The following DNAAF5 variants were observed in gnomAD, a reference collection of about 807,000 sequenced individuals.
DNAAF5 encodes dynein axonemal assembly factor 5, also known as HEAT repeat containing 2.
In DNAAF5, 64 loss-of-function variants were observed where a neutral mutation model predicts 75.8. The observed-to-expected ratio is 0.84, with a 90% confidence interval of 0.69 to 1.04. The LOEUF (loss-of-function observed/expected upper bound fraction) is 1.04. Among genes scored for constraint, DNAAF5 ranks in the 50% least tolerant of loss-of-function variants. The pLI is 0.00. For missense variants in DNAAF5, 1,269 were observed against 1,178.5 expected, an observed-to-expected ratio of 1.08 and a Z score of -1.12; for synonymous variants, 657 against 557.2, an observed-to-expected ratio of 1.18 and a Z score of -2.52.
intron 2 of DNAAF5, among the ~76,000 whole-genome samples, chr7:733,741 G>C (rs1455859477): frequency 6.6e-6 from 1 of 152,154 alleles, no homozygotes; most frequent in African/African-American, 2.4e-5. Flanking sequence ...TGATCCGACT[G>C]CCTCAGCCTC....
At chr7:731,796 A>G (rs1319077292) in intron 2 of DNAAF5, among the ~76,000 whole-genome samples, 3 of 151,670 alleles carry the variant, frequency 2.0e-5, no homozygotes, top group Non-Finnish European at 4.4e-5. Context: ...TTTGCGTCCT[A>G]TTAGAGACCC....
chr7:737,340 C>T (rs950795999), intron 2 of DNAAF5, among the ~76,000 whole-genome samples: 2 of 152,170 alleles, frequency 1.3e-5, no homozygotes, highest in Non-Finnish European at 2.9e-5. Context: ...AGGTGATCTG[C>T]CCACCTCAGC....
rs900496106 is a variant in DNAAF5 at position 727,222 on chromosome 7, C to T, written c.502C>T (p.Leu168=). ...AALAPHLDDA[L]RALRCSLLDP... ...GCTCGCGCCCCACCTGGACGACGCT[C>T]TGCGCGCGCTGCGCTGCTCCCTGCT... The change falls in exon 1 of 13, where the codon CTG becomes TTG. Residue 168 remains leucine, a synonymous_variant. Transcript: ENST00000297440. 4 of 1,347,788 alleles carry T rather than the reference C, an allele frequency of 3.0e-6. No individual in the cohort carries two copies. Among genetic ancestry groups the T allele is most frequent in the South Asian group, 1.7e-5 (1 of 57,470 alleles). The allele number at this position is 1,347,788 out of a possible 1,614,324, so 83.5% of individuals were successfully genotyped here.
intron 12 of DNAAF5, among the ~76,000 whole-genome samples, chr7:781,388 C>T (rs905051630): frequency 2.6e-5 from 4 of 152,224 alleles, no homozygotes; most frequent in Non-Finnish European, 4.4e-5. Flanking sequence ...TATTCCACTG[C>T]GTGCGCTCCA....
chr7:732,639 C>T, intron 2 of DNAAF5: 1 of 456,036 alleles, frequency 2.2e-6, no homozygotes, highest in Non-Finnish European at 4.4e-6. Context: ...TGTATGCCTT[C>T]TTTTGAGAAA....
intron 9 of DNAAF5, 107 bp from the exon 10 acceptor site, chr7:773,941 C>A (rs1778662011): frequency 3.0e-6 from 4 of 1,324,514 alleles, no homozygotes; most frequent in South Asian, 1.2e-5. Flanking sequence ...GGGTCGAGTT[C>A]GTTTTCCTGT....
At chr7:785,228 C>G (rs1779109273) in intron 12 of DNAAF5, among the ~76,000 whole-genome samples, 1 of 148,406 alleles carries the variant, frequency 6.7e-6, no homozygotes, top group Non-Finnish European at 1.5e-5. Context: ...TACTGGGTCC[C>G]CATCCAGCAG....
In DNAAF5 at chr7:754,367, C is replaced by T. The variant is rs1583495720; in HGVS notation, c.1025-222C>T. Among the ~76,000 whole-genome samples the T allele has an allele frequency of 1.3e-5, 2 of 152,152 alleles. No individual in the cohort carries two copies. Among genetic ancestry groups the T allele is most frequent in the Admixed American group, 1.3e-4 (2 of 15,284 alleles). ...TCTTGACTTCCTGGGCTCTAGTGAT[C>T]CACCTGCCTTGGCCTCCACAGGGCT... On this transcript the variant is annotated intron_variant, in intron 4 of 12. Coordinates refer to ENST00000297440, the MANE Select transcript of DNAAF5 (RefSeq NM_017802.4). The surrounding 1 kb of genome is among the most constrained non-coding windows in gnomAD (Gnocchi z 4.8).
At chr7:728,995 CTTTTTTT>C (rs398003363) in intron 1 of DNAAF5, among the ~76,000 whole-genome samples, 1 of 125,606 alleles carries the variant, frequency 8.0e-6, no homozygotes, top group Non-Finnish European at 1.6e-5. Context: ...TTGGTTCTGA[CTTTTTTT>C]TTTTTTTTTT....
chr7:762,816 G>A (rs1377194984), intron 7 of DNAAF5, among the ~76,000 whole-genome samples: 6 of 152,104 alleles, frequency 3.9e-5, no homozygotes, highest in South Asian at 2.1e-4. Flanking sequence ...GTTTTGCCAC[G>A]TTGGCCAGGT....
At chr7:760,079 TCCTCCAGCTCTGAGGGAGACGGGGCC>T (rs1562390120) in intron 6 of DNAAF5, among the ~76,000 whole-genome samples, 34 of 11,510 alleles carry the variant, frequency 3.0e-3, no homozygotes, top group African/African-American at 7.0e-3. Context: ...GCCGCGCGGC[TCCTCCAGCTCTGAGGGAGACGGGGCC>T]GCGCGGCTCC....
At chr7:782,067 C>T (rs913257752) in intron 12 of DNAAF5, among the ~76,000 whole-genome samples, 5 of 152,194 alleles carry the variant, frequency 3.3e-5, no homozygotes, top group Non-Finnish European at 4.4e-5. Flanking sequence ...CAGCTGCGTC[C>T]GGTTTCCCGG....
rs1778718088 is a variant in DNAAF5, at chr7:775,143, A to G, written c.2220A>G (p.Lys740=). 1 of 1,613,970 alleles carries G rather than the reference A, an allele frequency of 6.2e-7. No homozygotes were observed. The highest frequency in any genetic ancestry group is 8.5e-7 in the Non-Finnish European group (1 of 1,179,982). The change falls in exon 11 of 13, where the codon AAA becomes AAG. Residue 740 remains lysine, a synonymous_variant. Coordinates refer to ENST00000297440, the MANE Select transcript of DNAAF5 (RefSeq NM_017802.4). Reference sequence around the variant, plus strand: ...CGGGCGGCATGACGGATCCAGAGAAACTCATCAGGATTTATCCTGGTAGGA... The same window carrying G: ...CGGGCGGCATGACGGATCCAGAGAAGCTCATCAGGATTTATCCTGGTAGGA... ...KTSGGMTDPE[K]LIRIYPELLK... is the part of the protein sequence containing the mutation.
chr7:727,051 C>T lies in DNAAF5; in HGVS notation c.331C>T (p.Arg111Cys). The T allele has an allele frequency of 9.1e-7, 1 of 1,095,732 alleles. No individual in the cohort carries two copies. Among genetic ancestry groups the T allele is most frequent in the Non-Finnish European group, 1.1e-6 (1 of 902,622 alleles). The allele number at this position is 1,095,732 out of a possible 1,614,324, so 67.9% of individuals were successfully genotyped here. A position where few individuals can be genotyped will look rare whatever the true frequency, so the allele number is the denominator to read the frequency against. Residue 111 changes from arginine (R) to cysteine (C), a missense_variant, in exon 1 of 13, where the codon CGC (arginine) becomes TGC (cysteine). Arg to Cys is a radical substitution (Grantham distance 180). Transcript: ENST00000297440. ...DLGLRRAARP[R>C]DALPRLLPAL... ...GGGCCTGCGCCGCGCCGCGCGGCCC[C>T]GCGATGCCCTGCCGCGCCTGCTGCC...
chr7:774,162 G>C lies in DNAAF5; in HGVS notation c.2046G>C (p.Trp682Cys). Residue 682 changes from tryptophan to cysteine, a missense_variant, in exon 10 of 13, where the codon TGG (tryptophan) becomes TGC (cysteine). By Grantham distance (215) the Trp-to-Cys change is radical. Transcript: ENST00000297440. ...AIRTAAVSCLWALTSSEVLSA... is the reference protein window; with the variant it reads ...AIRTAAVSCLCALTSSEVLSA... ...GCACGGCTGCCGTGTCCTGCCTCTG[G>C]GCGCTCACCAGCAGCGAGGTCCTGT... is the stretch of plus-strand genomic sequence containing the variant. 6.2e-7 allele frequency: 1 copy of C among 1,612,040 alleles called. No homozygotes were observed. The highest frequency in any genetic ancestry group is 8.5e-7 in the Non-Finnish European group (1 of 1,179,892).
Position 761,746 on chromosome 7 carries a change from C to G in DNAAF5, c.1471-7C>G. 6.3e-7 allele frequency: 1 copy of G among 1,598,056 alleles called. No homozygotes were observed. Among genetic ancestry groups the G allele is most frequent in the South Asian group, 1.1e-5 (1 of 88,084 alleles). On this transcript the variant is annotated splice_region_variant and splice_polypyrimidine_tract_variant and intron_variant, in intron 6 of 12. Transcript: ENST00000297440. ...CAAGCTCTGACGGTGCTGCCGGTCT[C>G]TTCCAGGACCTCTACCTGGAGCGCC...
intron 2 of DNAAF5, among the ~76,000 whole-genome samples, chr7:739,891 G>A (rs376989393): frequency 2.0e-5 from 3 of 152,148 alleles, no homozygotes; most frequent in African/African-American, 4.8e-5. Flanking sequence ...GCTGCTGCTC[G>A]GGTCCCCTGC....
chr7:770,619 G>T lies in DNAAF5; in HGVS notation c.1931+1G>T, dbSNP rs1391250299. ...CCACGGACACCATCAACTCCCAGGG[G>T]TAGGTCCGGGCTCTGCCTCTGCACG... On this transcript the variant is annotated splice_donor_variant, in intron 9 of 12. Coordinates refer to ENST00000297440, the MANE Select transcript of DNAAF5 (RefSeq NM_017802.4). LOFTEE classifies it high-confidence loss of function. 6.2e-7 allele frequency: 1 copy of T among 1,612,966 alleles called. No individual in the cohort carries two copies. Among genetic ancestry groups the T allele is most frequent in the African/African-American group, 1.3e-5 (1 of 74,940 alleles).
At chr7:783,408 G>A (rs923981021) in intron 12 of DNAAF5, among the ~76,000 whole-genome samples, 6 of 152,138 alleles carry the variant, frequency 3.9e-5, no homozygotes, top group Non-Finnish European at 8.8e-5. Flanking sequence ...GCACAGTGAC[G>A]GGCAGGCCGG....
Sources: gnomAD v4.1 joint callset for allele counts (sites outside exome capture counted in the v4.1 genomes callset) on GRCh38, gnomAD v4.1.1 for gene constraint, Gnocchi (gnomAD v3.1) non-coding constraint, MANE v1.5 for transcripts, NCBI Gene and HGNC (gene_info 2026-07-23, HGNC 2026-07-21) for gene names.